The following AS3MT variants were observed in gnomAD, a reference collection of about 807,000 sequenced individuals.
AS3MT encodes S-adenosyl-L-methionine:arsenic(III) methyltransferase.
A neutral mutation model predicts 45.3 loss-of-function variants in AS3MT; 47 were observed. That is an observed-to-expected ratio of 1.04 (90% CI 0.82 to 1.32). The LOEUF is 1.32. Ranked by LOEUF, AS3MT falls within the 40% of genes most tolerant of loss-of-function variation. The probability of loss-of-function intolerance (pLI) is 0.00; values close to 1 mark genes in which losing one functional copy is unlikely to be tolerated. For synonymous variants in AS3MT, 141 were observed against 152.8 expected (o/e 0.92, Z 0.57); for missense variants, 396 against 451.1 (o/e 0.88, Z 1.11).
intron 9 of AS3MT, among the ~76,000 whole-genome samples, chr10:102,884,510 T>C (rs1844917444): frequency 6.6e-6 from 1 of 151,624 alleles, no homozygotes; most frequent in South Asian, 2.1e-4. Flanking sequence ...GCAGTATTTG[T>C]TTTTCAGTGC....
At chr10:102,883,510 C>T (rs945259506) in intron 9 of AS3MT, among the ~76,000 whole-genome samples, 8 of 151,802 alleles carry the variant, frequency 5.3e-5, no homozygotes, top group East Asian at 3.9e-4. Flanking sequence ...GTCAGGAGTT[C>T]GAGACCAGCC....
Position 102,873,199 on chromosome 10 carries a change from G to A in AS3MT, c.424G>A (p.Ala142Thr). 6.2e-7 allele frequency: 1 copy of A among 1,608,992 alleles called. No individual in the cohort carries two copies. The highest frequency in any genetic ancestry group is 8.5e-7 in the Non-Finnish European group (1 of 1,178,642). The change falls in exon 5 of 11, where the codon GCT (alanine) becomes ACT (threonine). Residue 142 changes from alanine to threonine, a missense_variant. Transcript: ENST00000369880. ...TGGCTACATTGAGAAGTTGGGAGAG[G>A]CTGGAATCAAGAATGAGAGCCATGA... ...IHGYIEKLGEAGIKNESHDIV... is the reference protein window; with the variant it reads ...IHGYIEKLGETGIKNESHDIV...
chr10:102,892,768 G>C (rs1272504288), intron 10 of AS3MT, among the ~76,000 whole-genome samples: 1 of 151,950 alleles, frequency 6.6e-6, no homozygotes, highest in Non-Finnish European at 1.5e-5. Flanking sequence ...CTGAGCTCAG[G>C]AGTTCAAGAC....
chr10:102,883,933 T>C lies in AS3MT; in HGVS notation c.885+4942T>C, dbSNP rs886579350. 2.6e-5 allele frequency among the ~76,000 whole-genome samples: 4 copies of C among 152,098 alleles called. No homozygotes were observed. The East Asian group carries it at 7.7e-4, about 29-fold the overall frequency. On this transcript the variant is annotated intron_variant, in intron 9 of 10. Transcript: ENST00000369880. ...ATTTATTTGTGATGAGATCAAAGTCTACTCTTTTAGCAATTTTCTTTTTTC... is the reference window on the plus strand; with the variant it reads ...ATTTATTTGTGATGAGATCAAAGTCCACTCTTTTAGCAATTTTCTTTTTTC...
chr10:102,894,742 T>G (rs1190720267), intron 10 of AS3MT, among the ~76,000 whole-genome samples: 1 of 152,194 alleles, frequency 6.6e-6, no homozygotes, highest in Non-Finnish European at 1.5e-5. Flanking sequence ...TGATAAAACC[T>G]TGGTCTCCAC....
chr10:102,894,510 G>A (rs1465970263), intron 10 of AS3MT, among the ~76,000 whole-genome samples: 2 of 152,118 alleles, frequency 1.3e-5, no homozygotes, highest in African/African-American at 4.8e-5. Flanking sequence ...GTCGGGCAAA[G>A]GCATTGCAAA....
intron 9 of AS3MT, among the ~76,000 whole-genome samples, chr10:102,888,975 C>G (rs1845012818): frequency 6.7e-6 from 1 of 149,776 alleles, no homozygotes; most frequent in Admixed American, 6.7e-5. Flanking sequence ...ACTGCAAGCT[C>G]CGCCTCCCGG....
intron 5 of AS3MT, among the ~76,000 whole-genome samples, chr10:102,873,880 C>A (rs1477131944): frequency 6.6e-6 from 1 of 151,982 alleles, no homozygotes; most frequent in African/African-American, 2.4e-5. Context: ...TTCCTTTTTT[C>A]CCTCAAGTTG....
At chr10:102,883,958 CT>C (rs1844906698) in intron 9 of AS3MT, among the ~76,000 whole-genome samples, 1 of 148,708 alleles carries the variant, frequency 6.7e-6, no homozygotes, top group African/African-American at 2.5e-5. Context: ...TTTCTTTTTT[CT>C]TTTCTTTTCT....
chr10:102,877,947 T>A lies in AS3MT; in HGVS notation c.611-432T>A, dbSNP rs1564791676. On this transcript the variant is annotated intron_variant, in intron 7 of 10. Coordinates refer to ENST00000369880, the MANE Select transcript of AS3MT (RefSeq NM_020682.4). The stretch of plus-strand genomic sequence containing the variant: ...TTTGTATTTTTAGTAGAGATGGGGT[T>A]TCACTGTGTTGGCCAGGCTGGTCTC... Among the ~76,000 whole-genome samples the A allele has an allele frequency of 2.0e-5, 3 of 152,072 alleles. No homozygotes were observed. In the East Asian group the frequency reaches 5.8e-4, roughly 29 times the overall value.
Position 102,879,137 on chromosome 10 carries a change from T to C in AS3MT, c.885+146T>C, listed in dbSNP as rs1242392957. ...TTTAAATGTATGTGTGTGTTTCAAG[T>C]GGAGTAAAAAAGCATTTTTTCCCCA... On this transcript the variant is annotated intron_variant, in intron 9 of 10. Transcript: ENST00000369880. 10 of 948,862 alleles carry C rather than the reference T, an allele frequency of 1.1e-5. No individual in the cohort carries two copies. The African/African-American group carries it at 1.2e-4, about 11-fold the overall frequency. The allele number at this position is 948,862 out of a possible 1,614,324, so 58.8% of individuals were successfully genotyped here.
intron 10 of AS3MT, among the ~76,000 whole-genome samples, chr10:102,895,307 C>A (rs527985072): frequency 6.9e-4 from 105 of 152,002 alleles, no homozygotes; most frequent in African/African-American, 2.5e-3. Flanking sequence ...AAGTGATTCT[C>A]CTGCCCCAGC....
chr10:102,877,718 A>G lies in AS3MT; in HGVS notation c.611-661A>G, dbSNP rs576263995. On this transcript the variant is annotated intron_variant, in intron 7 of 10. Coordinates refer to ENST00000369880, the MANE Select transcript of AS3MT (RefSeq NM_020682.4). The stretch of plus-strand genomic sequence containing the variant: ...TAAAACCCTATCTCTTAAAAAAATT[A>G]CTTATAATCATATAACCCAGTGATA... Among the ~76,000 whole-genome samples, 176 of 145,906 alleles carry G rather than the reference A, an allele frequency of 1.2e-3. 2 individuals carry two copies. The highest frequency in any genetic ancestry group is 1.1e-3 in the Non-Finnish European group (70 of 66,240).
intron 10 of AS3MT, among the ~76,000 whole-genome samples, chr10:102,893,599 G>A (rs530700188): frequency 6.6e-5 from 10 of 151,334 alleles, no homozygotes; most frequent in Non-Finnish European, 1.0e-4. Flanking sequence ...AAGTTCAAGC[G>A]ATTCTTCTGC....
intron 8 of AS3MT, 140 bp from the exon 9 acceptor site, chr10:102,878,709 T>C (rs1199569244): frequency 6.1e-6 from 8 of 1,313,458 alleles, no homozygotes; most frequent in South Asian, 1.5e-5. Context: ...ATTCAGTAAA[T>C]AGAGTGAAGT....
rs1004543371 is a variant in AS3MT at position 102,874,718 on chromosome 10, A to C, written c.528+57A>C. The C allele has an allele frequency of 9.4e-6, 12 of 1,276,766 alleles. No individual in the cohort carries two copies. The Admixed American group carries it at 2.3e-4, about 24-fold the overall frequency. The allele number at this position is 1,276,766 out of a possible 1,614,324, so 79.1% of individuals were successfully genotyped here. ...AACATCAGTAAGAGCTGATGGGTTAAGTCTTGTTTGTTCCCCCTTGAACTA... is the reference window on the plus strand; with the variant it reads ...AACATCAGTAAGAGCTGATGGGTTACGTCTTGTTTGTTCCCCCTTGAACTA... On this transcript the variant is annotated intron_variant, in intron 6 of 10. Coordinates refer to ENST00000369880, the MANE Select transcript of AS3MT (RefSeq NM_020682.4).
At chr10:102,888,219 C>T (rs1000054821) in intron 9 of AS3MT, 5 of 152,354 alleles carry the variant, frequency 3.3e-5, no homozygotes, top group African/African-American at 1.2e-4. Context: ...TTTCACAGCA[C>T]TATGCCTCTT....
Position 102,881,539 on chromosome 10 carries a change from C to G in AS3MT, c.885+2548C>G, listed in dbSNP as rs992121584. Among the ~76,000 whole-genome samples the G allele has an allele frequency of 1.3e-5, 2 of 152,136 alleles. No individual in the cohort carries two copies. The highest frequency in any genetic ancestry group is 2.4e-5 in the African/African-American group (1 of 41,422). ...TACTTGGGTAAACTTGAACAAGTCA[C>G]CAAAATTCGTTGGGTTACAGTTTGT... On this transcript the variant is annotated intron_variant, in intron 9 of 10. Transcript: ENST00000369880. This position sits in a 1 kb window ranked among gnomAD's most constrained non-coding sequence, Gnocchi z 4.2.
intron 10 of AS3MT, among the ~76,000 whole-genome samples, chr10:102,897,515 G>A (rs1845196694): frequency 1.3e-5 from 2 of 150,874 alleles, no homozygotes; most frequent in Non-Finnish European, 3.0e-5. Flanking sequence ...TGTCACCCAG[G>A]CTGGAGTGCA....
Sources: allele counts gnomAD v4.1 joint callset (sites outside exome capture counted in the v4.1 genomes callset), GRCh38; gene constraint gnomAD v4.1.1; non-coding constraint Gnocchi (gnomAD v3.1); transcripts MANE v1.5; gene names NCBI Gene and HGNC (gene_info 2026-07-23, HGNC 2026-07-21).